SPRYD3: variants seen among roughly 807,000 people sequenced by gnomAD.
SPRYD3 encodes the protein SPRY domain containing 3.
A neutral mutation model predicts 50.1 loss-of-function variants in SPRYD3; 17 were observed. The ratio of observed to expected loss-of-function variants is 0.34; its 90% CI spans 0.23 to 0.51. SPRYD3 has a LOEUF of 0.51. Ranked by LOEUF, SPRYD3 falls within the 20% of genes least tolerant of loss-of-function variation. The probability of loss-of-function intolerance (pLI) is 0.97; values close to 1 mark genes in which losing one functional copy is unlikely to be tolerated. For missense variants in SPRYD3, 401 were observed against 591.2 expected (o/e 0.68, Z 3.34); for synonymous variants, 198 against 215.5 (o/e 0.92, Z 0.71).
intron 1 of SPRYD3, 25 bp from the exon 2 acceptor site, chr12:53,077,286 G>A (rs1303858141): frequency 6.2e-7 from 1 of 1,613,510 alleles, no homozygotes; most frequent in Admixed American, 1.7e-5. Flanking sequence ...AGGGGATTGA[G>A]GAGAAAGCAG....
At chr12:53,073,020 CA>C in intron 6 of SPRYD3, 2 of 363,696 alleles carry the variant, frequency 5.5e-6, no homozygotes, top group Non-Finnish European at 1.0e-5. Flanking sequence ...CCAAAAAAGG[CA>C]AAGCAGAACT....
Position 53,079,383 on chromosome 12 carries a change from A to T in SPRYD3, c.-50T>A, listed in dbSNP as rs895628634. The T allele has an allele frequency of 8.8e-6, 14 of 1,584,488 alleles. No individual in the cohort carries two copies. The highest frequency in any genetic ancestry group is 1.2e-5 in the Non-Finnish European group (14 of 1,165,360). ...CAAGCTCTTCGGCCGCCGCCACCAC[A>T]CACATCCGGGTCCCCGCCTTTCCTT... On this transcript the variant is annotated 5_prime_UTR_variant, in exon 1 of 11. The change creates a premature stop within an existing upstream ORF in the 5' untranslated region. Transcript: ENST00000301463.
rs756914082 is a variant in SPRYD3 at position 53,074,785 on chromosome 12, C to CTGT, written c.372-2_372-1insACA. ...GCCCTTGGCTCGGCCATTGTACAGCCTACAGACAGAGTAGTACAGACACAG... is the reference window on the plus strand; with the variant it reads ...GCCCTTGGCTCGGCCATTGTACAGCCTGTTACAGACAGAGTAGTACAGACACAG... On this transcript the variant is annotated splice_acceptor_variant, in intron 4 of 10. Transcript: ENST00000301463. LOFTEE classifies it high-confidence loss of function. This position sits in a 1 kb window ranked among gnomAD's most constrained non-coding sequence, Gnocchi z 4.6. 49 of 1,614,100 alleles carry CTGT rather than the reference C, an allele frequency of 3.0e-5. No homozygotes were observed. The highest frequency in any genetic ancestry group is 4.2e-5 in the Non-Finnish European group (49 of 1,180,036).
intron 1 of SPRYD3, chr12:53,077,960 G>C (rs898055247): frequency 1.8e-5 from 5 of 283,308 alleles, no homozygotes; most frequent in African/African-American, 1.1e-4. Context: ...GCTGAGGCAG[G>C]AGGATCGCTT....
Position 53,065,828 on chromosome 12 carries a change from G to A in SPRYD3, c.*4C>T. ...GGAGAAGGAGCAGGTCTGGAGGGGAGGCCCTAGCCACTCAAGGGGTGCAGA... is the reference window on the plus strand; with the variant it reads ...GGAGAAGGAGCAGGTCTGGAGGGGAAGCCCTAGCCACTCAAGGGGTGCAGA... On this transcript the variant is annotated 3_prime_UTR_variant, in exon 11 of 11. Coordinates refer to ENST00000301463, the MANE Select transcript of SPRYD3 (RefSeq NM_032840.3). 1.9e-6 allele frequency: 3 copies of A among 1,611,444 alleles called. No individual in the cohort carries two copies. In the East Asian group the frequency reaches 6.7e-5, roughly 36 times the overall value.
chr12:53,078,839 G>C (rs992434564), intron 1 of SPRYD3, among the ~76,000 whole-genome samples: 4 of 152,198 alleles, frequency 2.6e-5, no homozygotes, highest in African/African-American at 9.7e-5. Flanking sequence ...TAGGTGCTTA[G>C]TAAGCCTTGG....
intron 6 of SPRYD3, 30 bp downstream of exon 6, chr12:53,073,256 G>GCCCCCGGGGGGGGGGGGGC: frequency 3.5e-5 from 15 of 424,132 alleles, no homozygotes; most frequent in Non-Finnish European, 4.4e-5. Context: ...CTCCGACCCA[G>GCCCCCGGGGGGGGGGGGGC]CCCCTCCCAC....
chr12:53,079,176 A>T, intron 1 of SPRYD3, 135 bp downstream of exon 1: 1 of 936,684 alleles, frequency 1.1e-6, no homozygotes, highest in Non-Finnish European at 1.6e-6. Flanking sequence ...AGGGTGCAGC[A>T]ACAGAAGAAG....
chr12:53,073,717 G>A (rs564990209), intron 5 of SPRYD3, among the ~76,000 whole-genome samples: 26 of 151,864 alleles, frequency 1.7e-4, no homozygotes, highest in Non-Finnish European at 2.5e-4. Context: ...GGTGGCGGGC[G>A]CCTGTAGTCC....
At position 53,074,852 on chromosome 12, in the gene SPRYD3, C is replaced by A; in HGVS notation, c.372-68G>T. 6.3e-7 allele frequency: 1 copy of A among 1,575,996 alleles called. No homozygotes were observed. Among genetic ancestry groups the A allele is most frequent in the Non-Finnish European group, 8.7e-7 (1 of 1,149,808 alleles). ...CCCAACTTCTCCCCAGCACTGACAG[C>A]AGAGGCCTCATCCTCATCTTGCTGC... On this transcript the variant is annotated intron_variant, in intron 4 of 10. Transcript: ENST00000301463. This position sits in a 1 kb window ranked among gnomAD's most constrained non-coding sequence, Gnocchi z 4.6.
At chr12:53,070,121 A>C (rs1014579673) in intron 6 of SPRYD3, among the ~76,000 whole-genome samples, 1 of 152,090 alleles carries the variant, frequency 6.6e-6, no homozygotes. Context: ...CCCACTCTCT[A>C]CCTGCCAACC....
chr12:53,075,271 T>G (rs778758711), intron 3 of SPRYD3, 52 bp from the exon 4 acceptor site: 1 of 1,567,484 alleles, frequency 6.4e-7, no homozygotes, highest in Non-Finnish European at 8.7e-7. Context: ...ATGGGATGAA[T>G]TGCTGGGGGT....
At chr12:53,072,796 AT>A (rs1179839020) in intron 6 of SPRYD3, among the ~76,000 whole-genome samples, 1 of 152,216 alleles carries the variant, frequency 6.6e-6, no homozygotes, top group Non-Finnish European at 1.5e-5. Flanking sequence ...CTAATCCTCT[AT>A]CAAATGCAGG....
At position 53,064,661 on chromosome 12, in the gene SPRYD3, A is replaced by G. The variant is rs1220588601; in HGVS notation, c.*1171T>C. The G allele has an allele frequency of 1.3e-5, 2 of 152,754 alleles. No individual in the cohort carries two copies. Among genetic ancestry groups the G allele is most frequent in the East Asian group, 1.9e-4 (1 of 5,160 alleles). The allele number at this position is 152,754 out of a possible 1,614,324, so 9.5% of individuals were successfully genotyped here. A position where few individuals can be genotyped will look rare whatever the true frequency, so the allele number is the denominator to read the frequency against. ...CATCTCTGGTCTGTACATACATTTC[A>G]TACATCGTAGGGTGGGAAGCGAGGG... On this transcript the variant is annotated 3_prime_UTR_variant, in exon 11 of 11. Transcript: ENST00000301463.
intron 2 of SPRYD3, 35 bp from the exon 3 acceptor site, chr12:53,075,846 G>A (rs1944584124): frequency 6.4e-7 from 1 of 1,574,686 alleles, no homozygotes. Flanking sequence ...TCCATTAGCA[G>A]CCTAGCCCAA....
At chr12:53,070,560 G>A (rs1368199932) in intron 6 of SPRYD3, among the ~76,000 whole-genome samples, 1 of 152,122 alleles carries the variant, frequency 6.6e-6, no homozygotes, top group Non-Finnish European at 1.5e-5. Context: ...CTAACCTCAG[G>A]CAAATGACAT....
rs754873011 is a variant in SPRYD3 at position 53,074,297 on chromosome 12, G to A, written c.507+352C>T. On this transcript the variant is annotated intron_variant, in intron 5 of 10. Coordinates refer to ENST00000301463, the MANE Select transcript of SPRYD3 (RefSeq NM_032840.3). The surrounding 1 kb of genome is among the most constrained non-coding windows in gnomAD (Gnocchi z 4.6). ...AAGTGCTCAAGTCAAAACCCAAAGAGGACCTCCAGCTTACATGGCCAGGCC... is the reference window on the plus strand; with the variant it reads ...AAGTGCTCAAGTCAAAACCCAAAGAAGACCTCCAGCTTACATGGCCAGGCC... Among the ~76,000 whole-genome samples the A allele has an allele frequency of 1.3e-5, 2 of 152,166 alleles. No individual in the cohort carries two copies. Among genetic ancestry groups the A allele is most frequent in the Non-Finnish European group, 2.9e-5 (2 of 68,038 alleles).
Position 53,074,188 on chromosome 12 carries a change from C to G in SPRYD3, c.507+461G>C, listed in dbSNP as rs1944572019. Among the ~76,000 whole-genome samples, 1 of 152,178 alleles carries G rather than the reference C, an allele frequency of 6.6e-6. No homozygotes were observed. Among genetic ancestry groups the G allele is most frequent in the South Asian group, 2.1e-4 (1 of 4,830 alleles). On this transcript the variant is annotated intron_variant, in intron 5 of 10. Transcript: ENST00000301463. The surrounding 1 kb of genome is among the most constrained non-coding windows in gnomAD (Gnocchi z 4.6). ...ACTATTGGCTCCTGTCCCATCTCCT[C>G]ACCACGCCTAGTCTCTCTACGAACA... is the stretch of plus-strand genomic sequence containing the variant.
At chr12:53,068,631 C>G (rs1418112295) in intron 6 of SPRYD3, among the ~76,000 whole-genome samples, 1 of 152,142 alleles carries the variant, frequency 6.6e-6, no homozygotes, top group Non-Finnish European at 1.5e-5. Context: ...GCTGAAAAAC[C>G]CTGCAGCCTT....
Sources: allele counts gnomAD v4.1 joint callset (sites outside exome capture counted in the v4.1 genomes callset), GRCh38; gene constraint gnomAD v4.1.1; non-coding constraint Gnocchi (gnomAD v3.1); transcripts MANE v1.5; gene names NCBI Gene and HGNC (gene_info 2026-07-23, HGNC 2026-07-21).